Variants in ARG2 observed in about 807,000 individuals in gnomAD.
ARG2 encodes the protein arginase 2.
In ARG2, 21 loss-of-function variants were observed where a neutral mutation model predicts 39.4. The observed-to-expected ratio is 0.53, with a 90% CI of 0.38 to 0.77. The LOEUF (loss-of-function observed/expected upper bound fraction) is 0.77, where lower values mean the gene tolerates loss of function less well. ARG2 is among the 30% of genes least tolerant of loss of function. ARG2 has a pLI of 0.00. For missense variants in ARG2, 378 were observed against 426.2 expected (o/e 0.89, Z 1.00); for synonymous variants, 150 against 156.7 (o/e 0.96, Z 0.32).
chr14:67,624,559 A>T (rs544800163), intron 2 of ARG2, among the ~76,000 whole-genome samples: 1 of 152,168 alleles, frequency 6.6e-6, no homozygotes, highest in Non-Finnish European at 1.5e-5. Context: ...GCGAAGAGGG[A>T]GGTGATACAC....
At chr14:67,643,751 G>C (rs1376379249) in intron 3 of ARG2, among the ~76,000 whole-genome samples, 2 of 149,802 alleles carry the variant, frequency 1.3e-5, no homozygotes, top group African/African-American at 2.5e-5. Flanking sequence ...GACTCTTCTG[G>C]TGATTATTTT....
chr14:67,621,349 C>T (rs2036808679), intron 2 of ARG2, among the ~76,000 whole-genome samples: 1 of 152,114 alleles, frequency 6.6e-6, no homozygotes, highest in Non-Finnish European at 1.5e-5. Flanking sequence ...CAAATTATTT[C>T]CTCTCTAGGG....
chr14:67,622,865 A>C (rs1244892030), intron 2 of ARG2, among the ~76,000 whole-genome samples: 1 of 152,174 alleles, frequency 6.6e-6, no homozygotes, highest in Non-Finnish European at 1.5e-5. Context: ...CAATCAGCTG[A>C]GGCTGCTGAA....
chr14:67,628,886 A>C (rs1306434933), intron 2 of ARG2, among the ~76,000 whole-genome samples: 2 of 152,232 alleles, frequency 1.3e-5, no homozygotes, highest in African/African-American at 4.8e-5. Flanking sequence ...GTATGTACCC[A>C]AAAGGACTGA....
At chr14:67,627,224 T>C (rs1400320179) in intron 2 of ARG2, among the ~76,000 whole-genome samples, 1 of 143,748 alleles carries the variant, frequency 7.0e-6, no homozygotes, top group Non-Finnish European at 1.5e-5. Flanking sequence ...ATCTCAATAA[T>C]TAAAAAACTA....
chr14:67,645,151 A>G (rs1214794097), intron 3 of ARG2, among the ~76,000 whole-genome samples: 3 of 151,802 alleles, frequency 2.0e-5, no homozygotes, highest in South Asian at 2.1e-4. Flanking sequence ...GTCGTTACCT[A>G]TAGACTGTAC....
At chr14:67,640,592 C>T (rs535893340) in intron 2 of ARG2, among the ~76,000 whole-genome samples, 7 of 152,294 alleles carry the variant, frequency 4.6e-5, no homozygotes, top group South Asian at 4.1e-4. Flanking sequence ...TTAATCCGAA[C>T]CTTTAACACA....
chr14:67,651,090 T>A lies in ARG2; in HGVS notation c.*170T>A. 2 of 924,926 alleles carry A rather than the reference T, an allele frequency of 2.2e-6. No homozygotes were observed. The highest frequency in any genetic ancestry group is 3.2e-6 in the Non-Finnish European group (2 of 623,822). The allele number at this position is 924,926 out of a possible 1,614,324, so 57.3% of individuals were successfully genotyped here. On this transcript the variant is annotated 3_prime_UTR_variant, in exon 8 of 8. Coordinates refer to ENST00000261783, the MANE Select transcript of ARG2 (RefSeq NM_001172.4). The stretch of plus-strand genomic sequence containing the variant: ...TCTATTTTGGTGACCAATACTACTG[T>A]AAATGTATTTGGTTTTTTGCAGTTC...
intron 3 of ARG2, among the ~76,000 whole-genome samples, chr14:67,642,958 A>C (rs1363548176): frequency 6.6e-6 from 1 of 151,984 alleles, no homozygotes; most frequent in Non-Finnish European, 1.5e-5. Flanking sequence ...GCATGCCACC[A>C]TGCCTGGCTC....
At chr14:67,631,524 C>T (rs942964557) in intron 2 of ARG2, among the ~76,000 whole-genome samples, 2 of 151,102 alleles carry the variant, frequency 1.3e-5, no homozygotes, top group African/African-American at 2.4e-5. Context: ...CAGCCTCCAC[C>T]TCCCAGGTTC....
chr14:67,644,627 G>C (rs2037072924), intron 3 of ARG2, among the ~76,000 whole-genome samples: 1 of 152,166 alleles, frequency 6.6e-6, no homozygotes, highest in Non-Finnish European at 1.5e-5. Flanking sequence ...TGTATTCTTA[G>C]AATTGAGACA....
At chr14:67,629,339 A>T (rs1018813091) in intron 2 of ARG2, among the ~76,000 whole-genome samples, 3 of 152,228 alleles carry the variant, frequency 2.0e-5, no homozygotes, top group African/African-American at 7.2e-5. Context: ...ATAAAGCCTC[A>T]TCTGTTTAAG....
chr14:67,641,001 C>T (rs1250502298), intron 2 of ARG2, among the ~76,000 whole-genome samples: 1 of 152,162 alleles, frequency 6.6e-6, no homozygotes, highest in Non-Finnish European at 1.5e-5. Flanking sequence ...GTCATATTTT[C>T]TGCTTTTAAG....
intron 2 of ARG2, among the ~76,000 whole-genome samples, chr14:67,640,496 T>C (rs914648958): frequency 2.6e-5 from 4 of 152,208 alleles, no homozygotes; most frequent in Admixed American, 1.3e-4. Flanking sequence ...TTATATTTCT[T>C]CAGAATTTTG....
At chr14:67,641,843 T>C (rs1360946945) in intron 2 of ARG2, among the ~76,000 whole-genome samples, 1 of 152,204 alleles carries the variant, frequency 6.6e-6, no homozygotes, top group African/African-American at 2.4e-5. Context: ...AGTACTTAAT[T>C]TCCTTTAAAA....
rs1022569953 is a variant in ARG2, at chr14:67,642,205, T to C, written c.204T>C (p.Phe68=). 4.3e-6 allele frequency: 7 copies of C among 1,613,936 alleles called. No homozygotes were observed. Among genetic ancestry groups the C allele is most frequent in the Admixed American group, 3.3e-5 (2 of 59,986 alleles). ...LSSLGCHLKD[F]GDLSFTPVPK... ...TTCCAGGCTGCCACCTAAAAGACTT[T>C]GGAGATTTGAGTTTTACTCCAGTCC... Residue 68 remains phenylalanine (F), a synonymous_variant, in exon 3 of 8, where the codon TTT becomes TTC. Transcript: ENST00000261783.
rs201552829 is a variant in ARG2 at position 67,623,858 on chromosome 14, TGAGA to T, written c.184+2896_184+2899del. ...CTCCCAGCCACCTTTTATTTTTCTTTGAGAGAGGGTCTCACTCTGTCACTCAGGC... is the reference window on the plus strand; with the variant it reads ...CTCCCAGCCACCTTTTATTTTTCTTTGAGGGTCTCACTCTGTCACTCAGGC... On this transcript the variant is annotated intron_variant, in intron 2 of 7. Coordinates refer to ENST00000261783, the MANE Select transcript of ARG2 (RefSeq NM_001172.4). Among the ~76,000 whole-genome samples, 8 of 152,238 alleles carry T rather than the reference TGAGA, an allele frequency of 5.3e-5. No homozygotes were observed. The East Asian group carries it at 1.5e-3, about 29-fold the overall frequency.
intron 2 of ARG2, among the ~76,000 whole-genome samples, chr14:67,635,797 A>G (rs139474354): frequency 0.017 from 2,647 of 152,296 alleles, 83 homozygotes; most frequent in African/African-American, 0.06. Context: ...GGTTGCAGTG[A>G]GCCAAGATCA....
chr14:67,620,032 C>G lies in ARG2; in HGVS notation c.55C>G (p.Leu19Val). 6.2e-7 allele frequency: 1 copy of G among 1,612,234 alleles called. No homozygotes were observed. Among genetic ancestry groups the G allele is most frequent in the Middle Eastern group, 1.7e-4 (1 of 6,056 alleles). Reference protein sequence around the residue: ...RLLQTRVHSILKKSVHSVAVI... With the variant: ...RLLQTRVHSIVKKSVHSVAVI... Reference sequence around the variant, plus strand: ...CCTCCAGACGCGAGTGCATTCCATCCTGAAGAAATCCGTCCACTCCGTGGC... The same window carrying G: ...CCTCCAGACGCGAGTGCATTCCATCGTGAAGAAATCCGTCCACTCCGTGGC... The change falls in exon 1 of 8, where the codon CTG (leucine) becomes GTG (valine). Residue 19 changes from leucine to valine, a missense_variant. Transcript: ENST00000261783.
Sources: gnomAD v4.1 joint callset for allele counts (sites outside exome capture counted in the v4.1 genomes callset) on GRCh38, gnomAD v4.1.1 for gene constraint, MANE v1.5 for transcripts, NCBI Gene and HGNC (gene_info 2026-07-23, HGNC 2026-07-21) for gene names.